CPLANE1: variants seen among roughly 807,000 people sequenced by gnomAD.
CPLANE1 encodes the protein ciliogenesis and planar polarity effector complex subunit 1, also known as ciliogenesis and planar polarity effector 1.
Under a neutral mutation model 362.5 loss-of-function variants are expected in CPLANE1, and 263 were observed. That is an observed-to-expected ratio of 0.73 (90% CI 0.66 to 0.80). The LOEUF (loss-of-function observed/expected upper bound fraction) is 0.80. Among genes scored for constraint, CPLANE1 ranks in the 30% least tolerant of loss-of-function variants. The pLI is 0.00. For synonymous variants in CPLANE1, 1,212 were observed against 1,302.6 expected (o/e 0.93, Z 1.50); for missense variants, 3,461 against 3,793.4 (o/e 0.91, Z 2.30).
the CPLANE1 span, among the ~76,000 whole-genome samples, chr5:37,097,864 A>G: frequency 2.0e-5 from 3 of 152,178 alleles, no homozygotes; most frequent in African/African-American, 4.8e-5. Flanking sequence ...CTCAATAATA[A>G]CCCTACCTGT....
In CPLANE1 at chr5:37,125,241, T is replaced by G. The variant is rs775436602; in HGVS notation, c.8958+3A>C. 1.9e-6 allele frequency: 3 copies of G among 1,610,050 alleles called. No individual in the cohort carries two copies. The African/African-American group carries it at 4.0e-5, about 22-fold the overall frequency. The stretch of plus-strand genomic sequence containing the variant: ...TCCATTACCCTTGACATGGCAGACT[T>G]ACTGGATTGCTTCTGGGACAGAAAG... On this transcript the variant is annotated splice_donor_region_variant and intron_variant, in intron 47 of 52. Coordinates refer to ENST00000651892, the MANE Select transcript of CPLANE1 (RefSeq NM_001384732.1).
In CPLANE1 at chr5:37,162,612, G is replaced by C. The variant is rs781185129; in HGVS notation, c.7589-46C>G. Reference sequence around the variant, plus strand: ...GGAAGTAATCATTGAGAAGCTAACAGATTACCAGGAGCCCAGCAGCACAGT... The same window carrying C: ...GGAAGTAATCATTGAGAAGCTAACACATTACCAGGAGCCCAGCAGCACAGT... On this transcript the variant is annotated intron_variant, in intron 37 of 52. Coordinates refer to ENST00000651892, the MANE Select transcript of CPLANE1 (RefSeq NM_001384732.1). 8 of 1,339,256 alleles carry C rather than the reference G, an allele frequency of 6.0e-6. No homozygotes were observed. In the East Asian group the frequency reaches 1.8e-4, roughly 31 times the overall value. The allele number at this position is 1,339,256 out of a possible 1,614,324, so 83.0% of individuals were successfully genotyped here.
intron 8 of CPLANE1, among the ~76,000 whole-genome samples, chr5:37,235,870 C>CTTT (rs748794675): frequency 5.4e-4 from 65 of 119,386 alleles, no homozygotes; most frequent in Admixed American, 8.8e-4. Flanking sequence ...GTGCCCAGCA[C>CTTT]TTTTTTTTTT....
chr5:37,201,846 T>G lies in CPLANE1; in HGVS notation c.3290-38A>C. 2.2e-6 allele frequency: 3 copies of G among 1,395,020 alleles called. No individual in the cohort carries two copies. The South Asian group carries it at 3.7e-5, about 17-fold the overall frequency. 86.4% of individuals were successfully genotyped at this position (1,395,020 alleles called of 1,614,324 possible). The stretch of plus-strand genomic sequence containing the variant: ...AAAATTTGGTAAAATAGTTAAAGCT[T>G]GTATTAAACTTCTTATCCATTTTGT... On this transcript the variant is annotated intron_variant, in intron 18 of 52. Coordinates refer to ENST00000651892, the MANE Select transcript of CPLANE1 (RefSeq NM_001384732.1).
intron 15 of CPLANE1, among the ~76,000 whole-genome samples, chr5:37,219,385 A>T (rs1216260591): frequency 6.6e-6 from 1 of 151,982 alleles, no homozygotes; most frequent in East Asian, 1.9e-4. Flanking sequence ...AAAGTCAGCC[A>T]GGCATGGTGG....
In CPLANE1 at chr5:37,143,125, C is replaced by T. The variant is rs912213694; in HGVS notation, c.8462-645G>A. 5.9e-5 allele frequency among the ~76,000 whole-genome samples: 9 copies of T among 152,184 alleles called. No homozygotes were observed. The East Asian group carries it at 1.5e-3, about 26-fold the overall frequency. On this transcript the variant is annotated intron_variant, in intron 43 of 52. Coordinates refer to ENST00000651892, the MANE Select transcript of CPLANE1 (RefSeq NM_001384732.1). ...TCTACCATCAATAAAGTACAGCAAC[C>T]CCAAGTGAAGAAACGTATACTAAAA...
rs1303137561 is a variant in CPLANE1, at chr5:37,212,346, C to T, written c.2920+1213G>A. On this transcript the variant is annotated intron_variant, in intron 16 of 52. Coordinates refer to ENST00000651892, the MANE Select transcript of CPLANE1 (RefSeq NM_001384732.1). Reference sequence around the variant, plus strand: ...TAGTGACAAAGTCGAAAGTTTAACACGCTTTTCTCATGAAGAACCAGATGA... The same window carrying T: ...TAGTGACAAAGTCGAAAGTTTAACATGCTTTTCTCATGAAGAACCAGATGA... 6.0e-5 allele frequency: 51 copies of T among 855,406 alleles called. 1 individual carries two copies. The South Asian group carries it at 6.4e-4, about 11-fold the overall frequency. 53.0% of individuals were successfully genotyped at this position (855,406 alleles called of 1,614,324 possible).
At position 37,242,772 on chromosome 5, in the gene CPLANE1, T is replaced by A. The variant is rs6859227; in HGVS notation, c.677+241A>T. Among the ~76,000 whole-genome samples the A allele has an allele frequency of 0.21, 31,120 of 151,782 alleles. 4,590 individuals are homozygous for A. The highest frequency in any genetic ancestry group is 0.42 in the African/African-American group (17,455 of 41,344). ...CCGGGTATGATGCCTCATGCCTGTA[T>A]TCCCAGCACTTTGGGAGGCCAAGGC... On this transcript the variant is annotated intron_variant, in intron 6 of 52. Coordinates refer to ENST00000651892, the MANE Select transcript of CPLANE1 (RefSeq NM_001384732.1).
In CPLANE1 at chr5:37,115,016, C is replaced by G. The variant is rs1579812912; in HGVS notation, c.9344G>C (p.Gly3115Ala). The change falls in exon 51 of 53, where the codon GGT becomes GCT. Residue 3115 changes from glycine to alanine, a missense_variant. Gly to Ala is a moderately conservative substitution (Grantham distance 60). Around this residue, in one of 2 missense-constraint regions of CPLANE1, gnomAD observed 3,380 missense variants for 3,666.1 expected, o/e 0.92. Transcript: ENST00000651892. ...CTTTCTTACTGCTGCTTTGGCTCCA[C>G]CAGCTTTTTTCTGTATGGTGAAAGT... ...TATFTIQKKA[G>A]GAKAAVRKAT... The G allele has an allele frequency of 6.2e-7, 1 of 1,610,988 alleles. No individual in the cohort carries two copies. Among genetic ancestry groups the G allele is most frequent in the Non-Finnish European group, 8.5e-7 (1 of 1,178,138 alleles).
At position 37,182,961 on chromosome 5, in the gene CPLANE1, A is replaced by G. The variant is rs1309538997; in HGVS notation, c.5220T>C (p.Phe1740=). 3 of 1,606,440 alleles carry G rather than the reference A, an allele frequency of 1.9e-6. No individual in the cohort carries two copies. The highest frequency in any genetic ancestry group is 1.3e-5 in the African/African-American group (1 of 74,610). Residue 1740 remains phenylalanine (F), a synonymous_variant, in exon 26 of 53, where the codon TTT becomes TTC. Transcript: ENST00000651892. ...ATTCCAGCAGTCTTCCTATACTGCC[A>G]AAAGTGTTTAGTGCTAAAGGAAGAT... The part of the protein sequence containing the change: ...QEDLPLALNT[F]GSIGRLLEWM...
At chr5:37,232,245 C>T (rs192864264) in intron 8 of CPLANE1, among the ~76,000 whole-genome samples, 6 of 152,122 alleles carry the variant, frequency 3.9e-5, no homozygotes, top group Admixed American at 1.3e-4. Flanking sequence ...TGGCCAGGCA[C>T]GGTGGCACAG....
chr5:37,206,072 A>C, intron 17 of CPLANE1, 125 bp downstream of exon 17: 1 of 698,678 alleles, frequency 1.4e-6, no homozygotes, highest in South Asian at 1.9e-5. Context: ...TCTATCACTA[A>C]AGAACGTTCC....
intron 51 of CPLANE1, among the ~76,000 whole-genome samples, chr5:37,114,732 T>A (rs1010130426): frequency 9.9e-5 from 15 of 152,078 alleles, no homozygotes; most frequent in African/African-American, 3.6e-4. Flanking sequence ...AAACCCCATC[T>A]CTACGAAAAA....
chr5:37,180,170 C>T lies in CPLANE1; in HGVS notation c.5584G>A (p.Glu1862Lys). The T allele has an allele frequency of 2.0e-6, 3 of 1,497,400 alleles. No individual in the cohort carries two copies. The highest frequency in any genetic ancestry group is 1.8e-4 in the Middle Eastern group (1 of 5,612). 92.8% of individuals were successfully genotyped at this position (1,497,400 alleles called of 1,614,324 possible). ...TCTTTTATATCAGGATTTTTTGCTTCAGTTGGCATTCTACTGAAAAAAATG... is the reference window on the plus strand; with the variant it reads ...TCTTTTATATCAGGATTTTTTGCTTTAGTTGGCATTCTACTGAAAAAAATG... ...CQNILNRMPT[E>K]AKNPDIKEIN... The change falls in exon 28 of 53, where the codon GAA becomes AAA. Residue 1862 changes from glutamate (E) to lysine (K), a missense_variant. Glu to Lys is a moderately conservative substitution (Grantham distance 56). This residue lies in a region of CPLANE1 where 3,380 missense variants were observed against 3,666.1 expected (regional missense o/e 0.92). Coordinates refer to ENST00000651892, the MANE Select transcript of CPLANE1 (RefSeq NM_001384732.1).
intron 42 of CPLANE1, among the ~76,000 whole-genome samples, chr5:37,150,054 C>G (rs1285827864): frequency 6.6e-6 from 1 of 152,120 alleles, no homozygotes; most frequent in Non-Finnish European, 1.5e-5. Context: ...TTTTTGAGAG[C>G]CTTTTCAAAA....
the CPLANE1 span, chr5:37,085,625 C>A: frequency 1.0e-6 from 1 of 972,990 alleles, no homozygotes; most frequent in Non-Finnish European, 1.7e-6. Flanking sequence ...AGGTGCTAAC[C>A]TGGGAATAAC....
chr5:37,123,039 C>T (rs919352342), intron 47 of CPLANE1, among the ~76,000 whole-genome samples: 1 of 152,128 alleles, frequency 6.6e-6, no homozygotes, highest in Non-Finnish European at 1.5e-5. Context: ...TAGGTGGAAG[C>T]ACCTATGCTT....
intron 25 of CPLANE1, 133 bp downstream of exon 25, chr5:37,184,655 G>A (rs1186054590): frequency 1.5e-6 from 1 of 664,206 alleles, no homozygotes; most frequent in Admixed American, 3.0e-5. Context: ...AGTGGAGGGG[G>A]TGGCACTTAT....
chr5:37,205,337 G>A lies in CPLANE1; in HGVS notation c.3267C>T (p.Gly1089=). ...PASLEAKNEM[G]SKYKQFTDPI... is the part of the protein sequence containing the mutation. ...CACCTGTAAACTGTTTATATTTTGA[G>A]CCCATTTCATTTTTTGCTTCCAAAG... is the stretch of plus-strand genomic sequence containing the variant. The change falls in exon 18 of 53, where the codon GGC becomes GGT. Residue 1089 remains glycine (G), a synonymous_variant. Transcript: ENST00000651892. 1 of 1,550,510 alleles carries A rather than the reference G, an allele frequency of 6.4e-7. No individual in the cohort carries two copies. Among genetic ancestry groups the A allele is most frequent in the South Asian group, 1.2e-5 (1 of 83,770 alleles).
Sources: gnomAD v4.1 joint callset for allele counts (sites outside exome capture counted in the v4.1 genomes callset) on GRCh38, gnomAD v4.1.1 for gene constraint, gnomAD v4.1.1 regional missense constraint, MANE v1.5 for transcripts, NCBI Gene and HGNC (gene_info 2026-07-23, HGNC 2026-07-21) for gene names.